FAM221A: variants seen among roughly 807,000 people sequenced by gnomAD.
The protein encoded by FAM221A is family with sequence similarity 221 member A.
A neutral mutation model predicts 37.6 loss-of-function variants in FAM221A; 43 were observed. The ratio of observed to expected loss-of-function variants is 1.15; its 90% CI spans 0.90 to 1.48. The LOEUF (loss-of-function observed/expected upper bound fraction) is 1.48, where lower values mean the gene tolerates loss of function less well. Among genes scored for constraint, FAM221A ranks in the 40% most tolerant of loss-of-function variants. The probability of loss-of-function intolerance (pLI) is 0.00; values close to 1 mark genes in which losing one functional copy is unlikely to be tolerated. For missense variants in FAM221A, 361 were observed against 361.5 expected (o/e 1.00, Z 0.01); for synonymous variants, 135 against 132.9 (o/e 1.02, Z -0.11).
chr7:23,693,523 T>C (rs1784868804), intron 4 of FAM221A: 1 of 151,978 alleles, frequency 6.6e-6, no homozygotes, highest in Non-Finnish European at 1.5e-5. Flanking sequence ...TCTTTTTATA[T>C]ATTCTGTATA....
At chr7:23,696,502 TG>T (rs1232330884) in intron 4 of FAM221A, among the ~76,000 whole-genome samples, 30 of 152,200 alleles carry the variant, frequency 2.0e-4, no homozygotes, top group Admixed American at 1.5e-3. Flanking sequence ...ATGCAGAGGT[TG>T]CAATGAGCTG....
chr7:23,692,084 T>A (rs992805324), intron 4 of FAM221A: 3 of 417,150 alleles, frequency 7.2e-6, no homozygotes, highest in African/African-American at 6.5e-5. Context: ...TAGTAAAATA[T>A]GTATATATGT....
intron 2 of FAM221A, 84 bp from the exon 3 acceptor site, chr7:23,689,185 T>C: frequency 1.1e-6 from 1 of 879,546 alleles, no homozygotes; most frequent in Non-Finnish European, 1.7e-6. Context: ...TAAAAAATCA[T>C]ATCTGCCTTT....
At chr7:23,697,653 A>G (rs967373528) in intron 4 of FAM221A, among the ~76,000 whole-genome samples, 5 of 152,222 alleles carry the variant, frequency 3.3e-5, no homozygotes, top group Admixed American at 6.5e-5. Flanking sequence ...TTGAACTTCT[A>G]TGCTAACATA....
chr7:23,694,229 C>T (rs1025398332), intron 4 of FAM221A: 3 of 152,068 alleles, frequency 2.0e-5, no homozygotes, highest in African/African-American at 7.2e-5. Flanking sequence ...CTGTCATATT[C>T]TCCATTTTGT....
At chr7:23,693,548 A>T (rs1784870254) in intron 4 of FAM221A, 1 of 147,104 alleles carries the variant, frequency 6.8e-6, no homozygotes. Flanking sequence ...TTTGTTATTT[A>T]TTTTGCAAAC....
At chr7:23,697,005 G>A (rs576335416) in intron 4 of FAM221A, among the ~76,000 whole-genome samples, 6 of 152,162 alleles carry the variant, frequency 3.9e-5, no homozygotes, top group Middle Eastern at 3.4e-3. Context: ...CCCTAAGCTC[G>A]GGGACTCAAT....
chr7:23,691,979 A>G (rs2128043728), intron 4 of FAM221A, among the ~76,000 whole-genome samples: 1 of 152,314 alleles, frequency 6.6e-6, no homozygotes, highest in Admixed American at 6.5e-5. Context: ...TACTGTATGT[A>G]ACTTAAGCTA....
At chr7:23,691,805 T>G (rs1048276577) in intron 4 of FAM221A, among the ~76,000 whole-genome samples, 21 of 152,350 alleles carry the variant, frequency 1.4e-4, no homozygotes, top group African/African-American at 4.8e-4. Flanking sequence ...AAAGAGGTTT[T>G]ATTGCTACTA....
At chr7:23,695,673 A>T (rs1366901691) in intron 4 of FAM221A, among the ~76,000 whole-genome samples, 3 of 151,984 alleles carry the variant, frequency 2.0e-5, no homozygotes, top group Admixed American at 6.6e-5. Context: ...ATTCCTGGCC[A>T]ATTTTTTTTC....
chr7:23,690,179 ATATATAT>A (rs1784635544), intron 3 of FAM221A, among the ~76,000 whole-genome samples: 1 of 50,790 alleles, frequency 2.0e-5, no homozygotes. Flanking sequence ...TCATATATAT[ATATATAT>A]ATATATATAT....
chr7:23,690,487 G>T (rs1784680310), intron 3 of FAM221A, among the ~76,000 whole-genome samples: 1 of 152,010 alleles, frequency 6.6e-6, no homozygotes, highest in African/African-American at 2.4e-5. Flanking sequence ...TTCCAGGCGT[G>T]AGCCACTGTG....
At chr7:23,683,043 A>T (rs1784152081) in intron 1 of FAM221A, among the ~76,000 whole-genome samples, 1 of 152,172 alleles carries the variant, frequency 6.6e-6, no homozygotes, top group Non-Finnish European at 1.5e-5. Context: ...TGGCAAGTAC[A>T]TAGAGCAATG....
intron 5 of FAM221A, 62 bp from the exon 6 acceptor site, chr7:23,700,719 CTTTCT>C (rs1785368149): frequency 3.8e-6 from 4 of 1,063,062 alleles, no homozygotes; most frequent in Non-Finnish European, 5.4e-6. Context: ...GAAAACTTTT[CTTTCT>C]TTTATTTCAG....
intron 2 of FAM221A, among the ~76,000 whole-genome samples, chr7:23,686,091 A>G (rs1158153529): frequency 2.0e-5 from 3 of 152,212 alleles, no homozygotes; most frequent in Non-Finnish European, 4.4e-5. Flanking sequence ...CTCCAACTAA[A>G]AACACTGAGG....
intron 2 of FAM221A, among the ~76,000 whole-genome samples, chr7:23,685,445 T>C (rs1784314141): frequency 1.3e-5 from 2 of 152,246 alleles, no homozygotes; most frequent in Non-Finnish European, 2.9e-5. Context: ...CCTGTGGCTT[T>C]GCCAGGGGTC....
At chr7:23,683,679 A>G (rs723900) in intron 1 of FAM221A, among the ~76,000 whole-genome samples, 30,760 of 152,010 alleles carry the variant, frequency 0.2, 3,660 homozygotes, top group African/African-American at 0.33. Flanking sequence ...TAACCCTCTT[A>G]TATAGGAAGT....
chr7:23,686,905 C>T (rs1784408111), intron 2 of FAM221A: 1 of 152,218 alleles, frequency 6.6e-6, no homozygotes. Context: ...CCTGCCTCAG[C>T]CTCCTGAGTA....
At position 23,689,298 on chromosome 7, in the gene FAM221A, C is replaced by T. The variant is rs767498587; in HGVS notation, c.269C>T (p.Ala90Val). The T allele has an allele frequency of 2.6e-5, 41 of 1,564,192 alleles. No individual in the cohort carries two copies. The highest frequency in any genetic ancestry group is 4.0e-5 in the African/African-American group (3 of 74,196). The change falls in exon 3 of 7, where the codon GCG becomes GTG. Residue 90 changes from alanine to valine, a missense_variant. Ala to Val is a moderately conservative substitution (Grantham distance 64). Coordinates refer to ENST00000344962, the MANE Select transcript of FAM221A (RefSeq NM_199136.5). ...RYKQHKTDLE[A>V]IPQQCPIDLP... ...AAACAACATAAAACTGACTTGGAAGCGATTCCTCAGCAGTGCCCCATTGAT... is the reference window on the plus strand; with the variant it reads ...AAACAACATAAAACTGACTTGGAAGTGATTCCTCAGCAGTGCCCCATTGAT...
Sources: gnomAD v4.1 joint callset for allele counts (sites outside exome capture counted in the v4.1 genomes callset) on GRCh38, gnomAD v4.1.1 for gene constraint, MANE v1.5 for transcripts, NCBI Gene and HGNC (gene_info 2026-07-23, HGNC 2026-07-21) for gene names.